The following DOK6 variants were observed in gnomAD, a reference collection of about 807,000 sequenced individuals.
DOK6 encodes the protein downstream of tyrosine kinase 6.
DOK6 carries 22 observed loss-of-function variants against 44.0 expected under a neutral mutation model. The observed-to-expected ratio is 0.50, with a 90% CI of 0.36 to 0.71. The LOEUF (loss-of-function observed/expected upper bound fraction) is 0.71, where lower values mean the gene tolerates loss of function less well. Ranked by LOEUF, DOK6 falls within the 30% of genes least tolerant of loss-of-function variation. The pLI is 0.00. For missense variants in DOK6, 340 were observed against 416.4 expected (o/e 0.82, Z 1.60); for synonymous variants, 166 against 145.5 (o/e 1.14, Z -1.01).
intron 1 of DOK6, among the ~76,000 whole-genome samples, chr18:69,530,427 C>T (rs1186039007): frequency 1.3e-5 from 2 of 152,080 alleles, no homozygotes; most frequent in African/African-American, 2.4e-5. Flanking sequence ...TGACTTTGAA[C>T]AGGTAAAGTG....
chr18:69,762,215 G>A (rs1012689685), intron 7 of DOK6, among the ~76,000 whole-genome samples: 3 of 152,132 alleles, frequency 2.0e-5, no homozygotes, highest in South Asian at 2.1e-4. Flanking sequence ...GATGGCACAC[G>A]CCTGTAGTCC....
intron 1 of DOK6, among the ~76,000 whole-genome samples, chr18:69,432,281 A>G: frequency 6.6e-6 from 1 of 152,122 alleles, no homozygotes; most frequent in East Asian, 1.9e-4. Context: ...TGTCTCTACA[A>G]AAAATTAAAA....
rs751185732 is a variant in DOK6 at position 69,677,786 on chromosome 18, C to G, written c.342C>G (p.Thr114=). 1.2e-6 allele frequency: 2 copies of G among 1,613,680 alleles called. No homozygotes were observed. The highest frequency in any genetic ancestry group is 1.7e-6 in the Non-Finnish European group (2 of 1,179,818). Residue 114 remains threonine, a synonymous_variant, in exon 4 of 8, where the codon ACC becomes ACG. Transcript: ENST00000382713. ...ACCTCTGCATGGAGTGTCTGGGGAC[C>G]AGGCTCAATGATATCAGCCTTGGGG... ...CKHLCMECLG[T]RLNDISLGEP...
At position 69,677,348 on chromosome 18, in the gene DOK6, T is replaced by G. The variant is rs969742883; in HGVS notation, c.290-386T>G. ...GTTTTGAAGTATATATATGTGTCTATATATATATTATATATGTGTGTGTAT... is the reference window on the plus strand; with the variant it reads ...GTTTTGAAGTATATATATGTGTCTAGATATATATTATATATGTGTGTGTAT... On this transcript the variant is annotated intron_variant, in intron 3 of 7. Coordinates refer to ENST00000382713, the MANE Select transcript of DOK6 (RefSeq NM_152721.6). Among the ~76,000 whole-genome samples, 2 of 127,818 alleles carry G rather than the reference T, an allele frequency of 1.6e-5. 1 individual carries two copies. The highest frequency in any genetic ancestry group is 1.7e-4 in the Admixed American group (2 of 11,824). The allele number at this position is 127,818 out of a possible 152,430, so 83.9% of individuals were successfully genotyped here.
At chr18:69,549,006 A>T (rs1365620620) in intron 1 of DOK6, among the ~76,000 whole-genome samples, 1 of 150,198 alleles carries the variant, frequency 6.7e-6, no homozygotes, top group Non-Finnish European at 1.5e-5. Context: ...GAGGCAGGAG[A>T]ATGGCGTGAA....
chr18:69,614,260 C>G (rs543754492), intron 3 of DOK6, among the ~76,000 whole-genome samples: 1 of 152,070 alleles, frequency 6.6e-6, no homozygotes, highest in Non-Finnish European at 1.5e-5. Flanking sequence ...TTGGCATAAT[C>G]TTTCCTACCA....
At chr18:69,442,654 GT>G (rs1979169144) in intron 1 of DOK6, among the ~76,000 whole-genome samples, 1 of 152,092 alleles carries the variant, frequency 6.6e-6, no homozygotes, top group African/African-American at 2.4e-5. Context: ...TTTGCAAATT[GT>G]TTTTCAACAA....
chr18:69,640,640 GC>G (rs1403633814), intron 3 of DOK6, among the ~76,000 whole-genome samples: 7 of 152,162 alleles, frequency 4.6e-5, no homozygotes, highest in Admixed American at 1.3e-4. Flanking sequence ...AAGGGACAGG[GC>G]AGTTGGATCC....
intron 2 of DOK6, among the ~76,000 whole-genome samples, chr18:69,581,874 G>A (rs1157023515): frequency 6.6e-6 from 1 of 152,124 alleles, no homozygotes; most frequent in Non-Finnish European, 1.5e-5. Flanking sequence ...AATCATGATG[G>A]CTGGACATGC....
intron 2 of DOK6, among the ~76,000 whole-genome samples, chr18:69,581,928 G>A (rs573944079): frequency 5.9e-4 from 90 of 152,312 alleles, no homozygotes; most frequent in African/African-American, 2.1e-3. Flanking sequence ...TGTGAGAAAT[G>A]CTAAGAAAAG....
chr18:69,459,641 C>G (rs1979733476), intron 1 of DOK6, among the ~76,000 whole-genome samples: 1 of 152,186 alleles, frequency 6.6e-6, no homozygotes, highest in Admixed American at 6.5e-5. Context: ...GTACTGCCTT[C>G]TGTTTCTGTA....
At chr18:69,554,332 A>G (rs2144590662) in intron 1 of DOK6, among the ~76,000 whole-genome samples, 1 of 152,294 alleles carries the variant, frequency 6.6e-6, no homozygotes, top group East Asian at 1.9e-4. Context: ...GATGGAAGCC[A>G]CTTTCTCACT....
At chr18:69,618,631 A>T (rs1206308488) in intron 3 of DOK6, 1 of 152,784 alleles carries the variant, frequency 6.5e-6, no homozygotes, top group African/African-American at 2.4e-5. Context: ...ATGAGGGCCA[A>T]GCGAAACGGG....
Position 69,711,863 on chromosome 18 carries a change from C to T in DOK6, c.599+13270C>T, listed in dbSNP as rs148507082. Among the ~76,000 whole-genome samples, 227 of 152,300 alleles carry T rather than the reference C, an allele frequency of 1.5e-3. 1 individual carries two copies. The highest frequency in any genetic ancestry group is 5.1e-3 in the African/African-American group (210 of 41,570). ...TGTGAATTCTGTAGGCGAAACCATTCGTGGCAGGCCCCATACTTGTTTTCT... is the reference window on the plus strand; with the variant it reads ...TGTGAATTCTGTAGGCGAAACCATTTGTGGCAGGCCCCATACTTGTTTTCT... On this transcript the variant is annotated intron_variant, in intron 5 of 7. Coordinates refer to ENST00000382713, the MANE Select transcript of DOK6 (RefSeq NM_152721.6).
intron 1 of DOK6, among the ~76,000 whole-genome samples, chr18:69,423,439 C>T (rs746337163): frequency 6.6e-6 from 1 of 152,212 alleles, no homozygotes; most frequent in Admixed American, 6.5e-5. Context: ...AGTCTGTACA[C>T]TTCAACCGTT....
At chr18:69,594,329 C>A (rs1983691056) in intron 2 of DOK6, among the ~76,000 whole-genome samples, 2 of 151,724 alleles carry the variant, frequency 1.3e-5, no homozygotes. Flanking sequence ...CATGCATATA[C>A]AAATATATGT....
At chr18:69,722,278 GTTA>G (rs1268855648) in intron 5 of DOK6, among the ~76,000 whole-genome samples, 3 of 152,300 alleles carry the variant, frequency 2.0e-5, no homozygotes, top group African/African-American at 4.8e-5. Flanking sequence ...ATCCCAGTAA[GTTA>G]TTATTCTTAT....
intron 1 of DOK6, among the ~76,000 whole-genome samples, chr18:69,528,132 C>T (rs908173436): frequency 9.6e-5 from 13 of 136,100 alleles, no homozygotes; most frequent in African/African-American, 1.9e-4. Flanking sequence ...CACTGCAGTT[C>T]GGCCTGGGTG....
At chr18:69,834,739 T>G (rs867445986) in intron 7 of DOK6, among the ~76,000 whole-genome samples, 2 of 152,242 alleles carry the variant, frequency 1.3e-5, no homozygotes, top group Non-Finnish European at 2.9e-5. Context: ...AGCCCTGGGT[T>G]GCTTCTACTT....
Sources: allele counts gnomAD v4.1 joint callset (sites outside exome capture counted in the v4.1 genomes callset), GRCh38; gene constraint gnomAD v4.1.1; transcripts MANE v1.5; gene names NCBI Gene and HGNC (gene_info 2026-07-23, HGNC 2026-07-21).